The following TYW1 variants were observed in gnomAD, a reference collection of about 807,000 sequenced individuals.
TYW1 encodes S-adenosyl-L-methionine-dependent tRNA 4-demethylwyosine synthase TYW1.
TYW1 carries 46 observed loss-of-function variants against 96.2 expected under a neutral mutation model. The observed-to-expected ratio is 0.48, with a 90% confidence interval of 0.38 to 0.61. The LOEUF (loss-of-function observed/expected upper bound fraction) is 0.61, where lower values mean the gene tolerates loss of function less well. Ranked by LOEUF, TYW1 falls within the 20% of genes least tolerant of loss-of-function variation. The pLI is 0.00. For synonymous variants in TYW1, 274 were observed against 323.0 expected (o/e 0.85, Z 1.63); for missense variants, 684 against 909.6 (o/e 0.75, Z 3.19).
chr7:67,215,560 C>G (rs1200502453), intron 15 of TYW1, among the ~76,000 whole-genome samples: 1 of 152,176 alleles, frequency 6.6e-6, no homozygotes, highest in Admixed American at 6.5e-5. Context: ...CCTGTCACCT[C>G]TCCCTTTTCT....
chr7:67,160,888 G>A (rs1395065499), intron 13 of TYW1, among the ~76,000 whole-genome samples: 7 of 152,028 alleles, frequency 4.6e-5, no homozygotes, highest in East Asian at 1.9e-4. Flanking sequence ...CACTGTGCCC[G>A]GCCTCTCTAT....
chr7:67,030,160 G>C (rs1794626898), intron 7 of TYW1, among the ~76,000 whole-genome samples: 1 of 152,098 alleles, frequency 6.6e-6, no homozygotes, highest in African/African-American at 2.4e-5. Context: ...TAAATCATTG[G>C]GCAGTTGATT....
intron 12 of TYW1, among the ~76,000 whole-genome samples, chr7:67,110,414 A>G (rs1407496880): frequency 6.6e-6 from 1 of 152,180 alleles, no homozygotes; most frequent in Non-Finnish European, 1.5e-5. Flanking sequence ...GGCATCCCCT[A>G]ACAAAAACAC....
chr7:67,180,425 A>ATATATATATATATATATATATTATT (rs1563058168), intron 13 of TYW1, among the ~76,000 whole-genome samples: 2 of 68,636 alleles, frequency 2.9e-5, no homozygotes, highest in Non-Finnish European at 5.9e-5. Flanking sequence ...TATATATATA[A>ATATATATATATATATATATATTATT]TTTTTTTTTT....
At chr7:67,159,205 G>A (rs1418283417) in intron 13 of TYW1, among the ~76,000 whole-genome samples, 4 of 151,824 alleles carry the variant, frequency 2.6e-5, no homozygotes, top group Non-Finnish European at 5.9e-5. Flanking sequence ...TTCATTAGTT[G>A]GGTTTGTCAT....
chr7:67,107,874 C>CTT (rs1027528139), intron 12 of TYW1, among the ~76,000 whole-genome samples: 4,427 of 121,400 alleles, frequency 0.036, 214 homozygotes, highest in East Asian at 0.16. Context: ...CCAAGATGGA[C>CTT]TTTTTTTTTT....
intron 14 of TYW1, among the ~76,000 whole-genome samples, chr7:67,187,816 T>A (rs1800078377): frequency 6.6e-6 from 1 of 152,200 alleles, no homozygotes; most frequent in Non-Finnish European, 1.5e-5. Context: ...AGGGAAATGT[T>A]TATTAATTTT....
intron 15 of TYW1, among the ~76,000 whole-genome samples, chr7:67,213,116 G>A (rs183965304): frequency 3.8e-4 from 57 of 151,440 alleles, no homozygotes; most frequent in Middle Eastern, 3.5e-3. Context: ...CAGGTGATTC[G>A]CCCTCCTCAG....
chr7:67,136,685 GTA>G (rs1182173982), intron 13 of TYW1, among the ~76,000 whole-genome samples: 262 of 122,282 alleles, frequency 2.1e-3, no homozygotes, highest in East Asian at 0.014. Context: ...GTGTGTGTGT[GTA>G]TATATATATA....
chr7:67,109,273 CAAAAA>C (rs1203625487), intron 12 of TYW1, among the ~76,000 whole-genome samples: 1 of 49,100 alleles, frequency 2.0e-5, no homozygotes, highest in Non-Finnish European at 4.3e-5. Context: ...GACTCCGTCT[CAAAAA>C]AAAAAAAAAA....
At chr7:67,118,235 G>A (rs1563023144) in intron 13 of TYW1, among the ~76,000 whole-genome samples, 1 of 152,284 alleles carries the variant, frequency 6.6e-6, no homozygotes, top group East Asian at 1.9e-4. Context: ...GCTGAGGCAG[G>A]AGAATCACTT....
chr7:67,197,968 C>G (rs10235689), intron 15 of TYW1, among the ~76,000 whole-genome samples: 15,942 of 136,286 alleles, frequency 0.12, 1,279 homozygotes, highest in Middle Eastern at 0.16. Context: ...TGCCCCCCGC[C>G]CCCGCAGCAT....
At chr7:67,088,312 A>G (rs1217354286) in intron 11 of TYW1, among the ~76,000 whole-genome samples, 2 of 152,178 alleles carry the variant, frequency 1.3e-5, no homozygotes, top group Non-Finnish European at 2.9e-5. Flanking sequence ...TATTGCTATA[A>G]TAGTCATAGT....
intron 12 of TYW1, among the ~76,000 whole-genome samples, chr7:67,112,064 A>T (rs2115940619): frequency 7.2e-6 from 1 of 139,096 alleles, no homozygotes; most frequent in South Asian, 2.3e-4. Flanking sequence ...GTGCCATTGC[A>T]CTCCAGCCTG....
chr7:67,233,214 T>A lies in TYW1; in HGVS notation c.1978-5094T>A, dbSNP rs1176640021. 7.8e-5 allele frequency among the ~76,000 whole-genome samples: 10 copies of A among 128,676 alleles called. 2 individuals are homozygous for A. Among genetic ancestry groups the A allele is most frequent in the Admixed American group, 1.6e-4 (2 of 12,538 alleles). 84.4% of individuals were successfully genotyped at this position (128,676 alleles called of 152,430 possible). On this transcript the variant is annotated intron_variant, in intron 15 of 15. Transcript: ENST00000359626. ...TTATTTTTATGTTATATATCTTTTTTAAATGTTCTTACTGTCATTTTAGTG... is the reference window on the plus strand; with the variant it reads ...TTATTTTTATGTTATATATCTTTTTAAAATGTTCTTACTGTCATTTTAGTG...
At chr7:67,058,481 T>A (rs957824741) in intron 9 of TYW1, among the ~76,000 whole-genome samples, 5 of 152,170 alleles carry the variant, frequency 3.3e-5, no homozygotes, top group African/African-American at 7.2e-5. Context: ...AAGCCATTTT[T>A]AAAAATTGTT....
At chr7:67,193,034 G>A (rs892698767) in intron 14 of TYW1, among the ~76,000 whole-genome samples, 4 of 152,182 alleles carry the variant, frequency 2.6e-5, no homozygotes, top group Middle Eastern at 3.2e-3. Flanking sequence ...ATGTCAGCAA[G>A]CTCTTTCTAT....
At chr7:67,002,522 ATT>A (rs1182376821) in intron 3 of TYW1, among the ~76,000 whole-genome samples, 1 of 152,194 alleles carries the variant, frequency 6.6e-6, no homozygotes, top group African/African-American at 2.4e-5. Flanking sequence ...GAGAAAGCGA[ATT>A]TGTAGATGAC....
chr7:67,021,971 G>C (rs1794294098), intron 6 of TYW1, among the ~76,000 whole-genome samples: 1 of 152,182 alleles, frequency 6.6e-6, no homozygotes, highest in Non-Finnish European at 1.5e-5. Flanking sequence ...CTGGAGTGCA[G>C]TAGTGCATAG....
Sources: gnomAD v4.1 joint callset for allele counts (sites outside exome capture counted in the v4.1 genomes callset) on GRCh38, gnomAD v4.1.1 for gene constraint, MANE v1.5 for transcripts, NCBI Gene and HGNC (gene_info 2026-07-23, HGNC 2026-07-21) for gene names.